The following SYNE1 variants were observed in gnomAD, a reference collection of about 807,000 sequenced individuals.
SYNE1 encodes the protein nesprin-1.
Under a neutral mutation model 1,111.0 loss-of-function variants are expected in SYNE1, and 616 were observed. The ratio of observed to expected loss-of-function variants is 0.55; its 90% confidence interval spans 0.52 to 0.59. The LOEUF (loss-of-function observed/expected upper bound fraction) is 0.59, where lower values mean the gene tolerates loss of function less well. Among genes scored for constraint, SYNE1 ranks in the 20% least tolerant of loss-of-function variants. The pLI is 0.00. For missense variants in SYNE1, 10,006 were observed against 10,417.0 expected (o/e 0.96, Z 1.72); for synonymous variants, 3,855 against 3,825.8 (o/e 1.01, Z -0.28).
chr6:152,297,526 A>G (rs2094936130), intron 93 of SYNE1, among the ~76,000 whole-genome samples: 1 of 152,174 alleles, frequency 6.6e-6, no homozygotes, highest in African/African-American at 2.4e-5. Flanking sequence ...TCCTGAGCAC[A>G]TTGTGGAGTG....
rs115488385 is a variant in SYNE1 at position 152,196,374 on chromosome 6, G to A, written c.23145+5450C>T. Among the ~76,000 whole-genome samples the A allele has an allele frequency of 2.7e-3, 414 of 152,166 alleles. 5 individuals are homozygous for A. Among genetic ancestry groups the A allele is most frequent in the African/African-American group, 9.6e-3 (398 of 41,524 alleles). On this transcript the variant is annotated intron_variant, in intron 127 of 145. Coordinates refer to ENST00000367255, the MANE Select transcript of SYNE1 (RefSeq NM_182961.4). ...GACTCTCTTCATAGCCACCGCAGCT[G>A]TGAATGTGCTAGGTCACACTTGAAG...
intron 4 of SYNE1, among the ~76,000 whole-genome samples, chr6:152,530,847 T>G (rs1432759832): frequency 3.3e-5 from 5 of 151,986 alleles, no homozygotes; most frequent in Admixed American, 2.6e-4. Context: ...ATGGTCTCGA[T>G]CTCCTGACCT....
chr6:152,318,493 C>T (rs1327504088), intron 85 of SYNE1: 16 of 612,524 alleles, frequency 2.6e-5, no homozygotes, highest in Non-Finnish European at 4.0e-5. Context: ...TAACATTTTC[C>T]TTCTGCCCCA....
In SYNE1 at chr6:152,329,813, G is replaced by C. The variant is rs1280583966; in HGVS notation, c.14872C>G (p.Leu4958Val). The C allele has an allele frequency of 1.9e-6, 3 of 1,614,196 alleles. No homozygotes were observed. The highest frequency in any genetic ancestry group is 2.5e-6 in the Non-Finnish European group (3 of 1,180,040). The change falls in exon 78 of 146, where the codon CTG becomes GTG. Residue 4958 changes from leucine (L) to valine (V), a missense_variant. Transcript: ENST00000367255. Reference protein sequence around the residue: ...EKEKFTKAKELISADLEHSLA... With the variant: ...EKEKFTKAKEVISADLEHSLA... The stretch of plus-strand genomic sequence containing the variant: ...CTGTGTTCTAAATCCGCAGAAATCA[G>C]CTCCTTGGCCTTTGTGAACTTCTCC...
intron 9 of SYNE1, among the ~76,000 whole-genome samples, 191 bp from the exon 10 acceptor site, chr6:152,502,933 T>G (rs2154328077): frequency 6.6e-6 from 1 of 152,244 alleles, no homozygotes; most frequent in East Asian, 1.9e-4. Context: ...AAAATTATAT[T>G]ACTCAGAAAG....
At chr6:152,384,663 G>T (rs372691930) in intron 55 of SYNE1, among the ~76,000 whole-genome samples, 4 of 152,230 alleles carry the variant, frequency 2.6e-5, no homozygotes. Flanking sequence ...ATCACCTGAG[G>T]TCAGGAGTTT....
At chr6:152,533,458 G>A (rs1445450363) in intron 4 of SYNE1, among the ~76,000 whole-genome samples, 1 of 151,930 alleles carries the variant, frequency 6.6e-6, no homozygotes, top group African/African-American at 2.4e-5. Context: ...TATTTATTTG[G>A]TACAAGTTGG....
chr6:152,178,803 T>C (rs2067120818), intron 129 of SYNE1, among the ~76,000 whole-genome samples: 1 of 152,106 alleles, frequency 6.6e-6, no homozygotes, highest in African/African-American at 2.4e-5. Flanking sequence ...AAAAATACAT[T>C]GTACATTAGA....
rs1438857220 is a variant in SYNE1 at position 152,387,283 on chromosome 6, G to C, written c.8276C>G (p.Pro2759Arg). Residue 2759 changes from proline to arginine, a missense_variant, in exon 54 of 146, where the codon CCC becomes CGC. Physicochemically the swap from Pro to Arg is moderately radical, Grantham distance 103. Around this residue, in one of 7 missense-constraint regions of SYNE1, gnomAD observed 4,955 missense variants for 5,017.2 expected, o/e 0.99. Coordinates refer to ENST00000367255, the MANE Select transcript of SYNE1 (RefSeq NM_182961.4). ...TTTCAGACCTGGCTGTGGTTGTAAG[G>C]GATGTTCTATTTTTTGATCCACTGA... The part of the protein sequence containing the change: ...MESVDQKIEH[P>R]LQPQPGLKEK... 1.2e-6 allele frequency: 2 copies of C among 1,614,006 alleles called. No individual in the cohort carries two copies. The highest frequency in any genetic ancestry group is 2.2e-5 in the East Asian group (1 of 44,888).
chr6:152,413,612 T>C, intron 41 of SYNE1, 81 bp from the exon 42 acceptor site: 2 of 1,400,006 alleles, frequency 1.4e-6, no homozygotes, highest in Non-Finnish European at 2.0e-6. Flanking sequence ...ATATGATGAG[T>C]CCATAAAGCA....
At chr6:152,379,035 C>T (rs1479727344) in intron 56 of SYNE1, among the ~76,000 whole-genome samples, 1 of 152,118 alleles carries the variant, frequency 6.6e-6, no homozygotes, top group Non-Finnish European at 1.5e-5. Flanking sequence ...CCATATGGAA[C>T]CTTTTACTTA....
intron 145 of SYNE1, chr6:152,128,044 A>T (rs1243398696): frequency 6.6e-6 from 1 of 152,194 alleles, no homozygotes; most frequent in Non-Finnish European, 1.5e-5. Flanking sequence ...AATTTGCTAC[A>T]TCCGGACTAC....
At chr6:152,555,744 T>C (rs1037686850) in intron 3 of SYNE1, among the ~76,000 whole-genome samples, 1 of 152,186 alleles carries the variant, frequency 6.6e-6, no homozygotes, top group Non-Finnish European at 1.5e-5. Flanking sequence ...TTGGTATTTT[T>C]ACATATAAAC....
At chr6:152,230,173 C>G (rs1274182649) in intron 115 of SYNE1, among the ~76,000 whole-genome samples, 1 of 152,016 alleles carries the variant, frequency 6.6e-6, no homozygotes, top group Non-Finnish European at 1.5e-5. Flanking sequence ...GCTGGGACTA[C>G]AGGGACAAGC....
At chr6:152,481,392 A>G in intron 14 of SYNE1, 1 of 284,394 alleles carries the variant, frequency 3.5e-6, no homozygotes, top group Non-Finnish European at 7.1e-6. Context: ...TATACATTCT[A>G]CATTTCATTT....
chr6:152,550,330 C>G (rs1171814719), intron 3 of SYNE1, among the ~76,000 whole-genome samples: 2 of 152,048 alleles, frequency 1.3e-5, no homozygotes, highest in East Asian at 3.9e-4. Flanking sequence ...TCTTATAATT[C>G]TTAACCTCTA....
chr6:152,323,821 G>A (rs1378215608), intron 81 of SYNE1, 84 bp from the exon 82 acceptor site: 1 of 1,470,890 alleles, frequency 6.8e-7, no homozygotes, highest in Non-Finnish European at 9.4e-7. Context: ...CCACACACTA[G>A]TGTATGAAGC....
chr6:152,538,218 A>G (rs559468323), intron 4 of SYNE1, among the ~76,000 whole-genome samples: 1 of 152,322 alleles, frequency 6.6e-6, no homozygotes, highest in South Asian at 2.1e-4. Flanking sequence ...AGAAGAAAAT[A>G]TCATACAAGT....
chr6:152,362,844 T>C (rs1465737966), intron 63 of SYNE1, among the ~76,000 whole-genome samples: 1 of 151,680 alleles, frequency 6.6e-6, no homozygotes, highest in Non-Finnish European at 1.5e-5. Context: ...ATTTATTTTA[T>C]CGATAAGTTA....
Sources: gnomAD v4.1 joint callset for allele counts (sites outside exome capture counted in the v4.1 genomes callset) on GRCh38, gnomAD v4.1.1 for gene constraint, gnomAD v4.1.1 regional missense constraint, MANE v1.5 for transcripts, NCBI Gene and HGNC (gene_info 2026-07-23, HGNC 2026-07-21) for gene names.